MAST4: variants seen among roughly 807,000 people sequenced by gnomAD.
MAST4 encodes microtubule associated serine/threonine kinase family member 4.
In MAST4, 89 loss-of-function variants were observed where a neutral mutation model predicts 162.7. The ratio of observed to expected loss-of-function variants is 0.55; its 90% CI spans 0.46 to 0.65. The LOEUF (loss-of-function observed/expected upper bound fraction) is 0.65. Ranked by LOEUF, MAST4 falls within the 30% of genes least tolerant of loss-of-function variation. MAST4 has a pLI of 0.00. For synonymous variants in MAST4, 1,479 were observed against 1,361.1 expected (o/e 1.09, Z -1.91); for missense variants, 3,153 against 3,374.0 (o/e 0.93, Z 1.62).
chr5:67,162,943 T>C (rs1773376238), intron 28 of MAST4, among the ~76,000 whole-genome samples, 155 bp downstream of exon 28: 1 of 152,210 alleles, frequency 6.6e-6, no homozygotes. Context: ...GATGTGGCTA[T>C]TCTGACCAAA....
At chr5:66,731,727 A>G (rs1051352104) in intron 1 of MAST4, among the ~76,000 whole-genome samples, 1 of 151,044 alleles carries the variant, frequency 6.6e-6, no homozygotes, top group Admixed American at 6.6e-5. Context: ...CTATATTGCA[A>G]CCCCCAAACT....
At chr5:66,940,015 T>C (rs1743191946) in intron 4 of MAST4, among the ~76,000 whole-genome samples, 1 of 152,118 alleles carries the variant, frequency 6.6e-6, no homozygotes, top group African/African-American at 2.4e-5. Context: ...TGCAGTGAGT[T>C]ATGATCATGC....
chr5:67,056,984 C>T (rs768579356), intron 5 of MAST4, among the ~76,000 whole-genome samples: 12 of 152,140 alleles, frequency 7.9e-5, no homozygotes, highest in African/African-American at 1.9e-4. Context: ...ATCATAGGCA[C>T]GAGCCACCGC....
chr5:66,910,222 C>T (rs867998569), intron 4 of MAST4, among the ~76,000 whole-genome samples: 2 of 152,158 alleles, frequency 1.3e-5, no homozygotes, highest in African/African-American at 4.8e-5. Flanking sequence ...TAAAAGCATA[C>T]CCTTAACAGT....
chr5:66,916,885 T>C, intron 4 of MAST4: 1 of 669,700 alleles, frequency 1.5e-6, no homozygotes, highest in Non-Finnish European at 2.8e-6. Context: ...TCTTGTTGTT[T>C]TCAGTACTCC....
intron 4 of MAST4, among the ~76,000 whole-genome samples, chr5:66,945,457 G>A (rs1159576): frequency 0.15 from 22,563 of 152,118 alleles, 2,776 homozygotes; most frequent in African/African-American, 0.34. Context: ...TATCAGGAAA[G>A]TTATCTTCAG....
intron 10 of MAST4, 75 bp from the exon 11 acceptor site, chr5:67,110,023 G>C: frequency 9.7e-7 from 1 of 1,028,542 alleles, no homozygotes; most frequent in Non-Finnish European, 1.5e-6. Context: ...GATCTAATTA[G>C]CATGCTTTGC....
intron 6 of MAST4, chr5:67,094,061 T>TA (rs2150813475): frequency 3.0e-6 from 2 of 668,476 alleles, no homozygotes; most frequent in South Asian, 6.3e-5. Context: ...ACATATAATT[T>TA]ATCTCAATTT....
In MAST4 at chr5:66,829,720, G is replaced by A. The variant is rs570301245; in HGVS notation, c.642+40926G>A. ...ATATTATTTTGATATTAAAAAAAAT[G>A]CTTGGAATACAGAATATACAGCACA... On this transcript the variant is annotated intron_variant, in intron 3 of 28. Coordinates refer to ENST00000403625, the MANE Select transcript of MAST4 (RefSeq NM_001164664.2). 1.7e-4 allele frequency among the ~76,000 whole-genome samples: 26 copies of A among 151,936 alleles called. No individual in the cohort carries two copies. The South Asian group carries it at 5.2e-3, about 30-fold the overall frequency.
chr5:67,166,749 T>G lies in MAST4; in HGVS notation c.7570T>G (p.Phe2524Val). The change falls in exon 29 of 29, where the codon TTC (phenylalanine) becomes GTC (valine). Residue 2524 changes from phenylalanine (F) to valine (V), a missense_variant. By Grantham distance (50) the Phe-to-Val change is conservative (BLOSUM62 -1). Around this residue, in one of 7 missense-constraint regions of MAST4, gnomAD observed 1,644 missense variants for 1,495.0 expected, o/e 1.10. Transcript: ENST00000403625. Reference protein sequence around the residue: ...HMTKSDSLPSFRVSTLPLESH... With the variant: ...HMTKSDSLPSVRVSTLPLESH... ...GACAAAGAGTGACTCCCTGCCCTCC[T>G]TCCGGGTCTCCACCCTGCCTCTGGA... The G allele has an allele frequency of 3.1e-6, 5 of 1,594,376 alleles. No individual in the cohort carries two copies. Among genetic ancestry groups the G allele is most frequent in the Non-Finnish European group, 3.4e-6 (4 of 1,171,062 alleles).
At chr5:66,818,697 C>G (rs571101267) in intron 3 of MAST4, among the ~76,000 whole-genome samples, 1 of 152,164 alleles carries the variant, frequency 6.6e-6, no homozygotes, top group Non-Finnish European at 1.5e-5. Flanking sequence ...TGCAGGGCAG[C>G]GCTTGCCCTT....
Position 67,163,670 on chromosome 5 carries a change from G to T in MAST4, c.4491G>T (p.Pro1497=). ...TGGATGAGAACGTGTGCGACGTGCC[G>T]CCGCTCAGCCGCGCCCGGCCAGTGG... ...QSLDENVCDV[P]PLSRARPVEQ... Residue 1497 remains proline, a synonymous_variant, in exon 29 of 29, where the codon CCG becomes CCT. Coordinates refer to ENST00000403625, the MANE Select transcript of MAST4 (RefSeq NM_001164664.2). The surrounding 1 kb of genome is among the most constrained non-coding windows in gnomAD (Gnocchi z 7.0). 2.5e-6 allele frequency: 4 copies of T among 1,607,992 alleles called. No homozygotes were observed. Among genetic ancestry groups the T allele is most frequent in the Non-Finnish European group, 3.4e-6 (4 of 1,177,942 alleles).
chr5:67,161,573 AAAT>A, intron 27 of MAST4, among the ~76,000 whole-genome samples: 1 of 152,366 alleles, frequency 6.6e-6, no homozygotes, highest in Non-Finnish European at 1.5e-5. Flanking sequence ...AAAAACTAAA[AAAT>A]AGCAGTGTAC....
intron 1 of MAST4, 114 bp downstream of exon 1, chr5:66,597,132 G>A: frequency 8.2e-7 from 1 of 1,225,338 alleles, no homozygotes; most frequent in Non-Finnish European, 1.0e-6. Context: ...GATAGGGAGG[G>A]ACCCCAAGCG....
chr5:66,988,816 G>A (rs78868831), intron 4 of MAST4, among the ~76,000 whole-genome samples: 2,889 of 152,178 alleles, frequency 0.019, 103 homozygotes, highest in African/African-American at 0.067. Context: ...AACTACAACA[G>A]GAAAACTGTA....
intron 4 of MAST4, chr5:66,930,903 G>A: frequency 2.5e-6 from 1 of 399,320 alleles, no homozygotes; most frequent in Admixed American, 2.7e-5. Context: ...TTGGTCCTGT[G>A]GAGGGTATCT....
intron 2 of MAST4, among the ~76,000 whole-genome samples, chr5:66,774,513 G>A (rs1298852886): frequency 2.0e-5 from 3 of 152,146 alleles, no homozygotes; most frequent in Non-Finnish European, 2.9e-5. Flanking sequence ...ACACCTTCAT[G>A]TTACTTTTGC....
At chr5:66,988,794 AT>A (rs1749779021) in intron 4 of MAST4, among the ~76,000 whole-genome samples, 1 of 152,216 alleles carries the variant, frequency 6.6e-6, no homozygotes, top group Admixed American at 6.5e-5. Flanking sequence ...GATGAGAGAT[AT>A]TTTGGTTGAA....
intron 1 of MAST4, among the ~76,000 whole-genome samples, chr5:66,699,769 G>A (rs557078733): frequency 3.9e-5 from 6 of 152,214 alleles, no homozygotes; most frequent in East Asian, 3.9e-4. Context: ...GGTGGGGCGG[G>A]GGGGAAGGGA....
Sources: allele counts gnomAD v4.1 joint callset (sites outside exome capture counted in the v4.1 genomes callset), GRCh38; gene constraint gnomAD v4.1.1; regional missense constraint gnomAD v4.1.1; non-coding constraint Gnocchi (gnomAD v3.1); transcripts MANE v1.5; gene names NCBI Gene and HGNC (gene_info 2026-07-23, HGNC 2026-07-21).